RBFOX1: variants seen among roughly 807,000 people sequenced by gnomAD.
The protein encoded by RBFOX1 is RNA binding fox-1 homolog 1.
A neutral mutation model predicts 57.7 loss-of-function variants in RBFOX1; 8 were observed. That is an observed-to-expected ratio of 0.14 (90% CI 0.08 to 0.25). RBFOX1 has a LOEUF of 0.25. Ranked by LOEUF, RBFOX1 falls within the 10% of genes least tolerant of loss-of-function variation. The probability of loss-of-function intolerance (pLI) is 1.00; values close to 1 mark genes in which losing one functional copy is unlikely to be tolerated. For missense variants in RBFOX1, 611 were observed against 548.5 expected (o/e 1.11, Z -1.14); for synonymous variants, 326 against 222.4 (o/e 1.47, Z -4.15).
At chr16:7,696,228 T>C (rs958140257) in intron 14 of RBFOX1, among the ~76,000 whole-genome samples, 1 of 152,198 alleles carries the variant, frequency 6.6e-6, no homozygotes, top group Non-Finnish European at 1.5e-5. Flanking sequence ...GTTTTGGTTT[T>C]TCCCAAAGAA....
At chr16:7,058,839 T>A (rs953534087) in intron 4 of RBFOX1, among the ~76,000 whole-genome samples, 3 of 152,194 alleles carry the variant, frequency 2.0e-5, no homozygotes, top group Non-Finnish European at 4.4e-5. Context: ...CTTATTTAAG[T>A]TAAAAATGGG....
chr16:7,190,522 G>A lies in RBFOX1; in HGVS notation c.27+138424G>A, dbSNP rs182328305. The stretch of plus-strand genomic sequence containing the variant: ...TTTTTTCTTTCCTGAGTGATACTCT[G>A]ATCTCTATCTGATGAGCTGGAGAGT... On this transcript the variant is annotated intron_variant, in intron 4 of 15. Transcript: ENST00000550418. Among the ~76,000 whole-genome samples the A allele has an allele frequency of 4.0e-3, 610 of 151,066 alleles. 10 individuals carry two copies. The highest frequency in any genetic ancestry group is 3.2e-3 in the Non-Finnish European group (219 of 67,914).
chr16:5,369,893 T>G (rs1047120802), intron 1 of RBFOX1, among the ~76,000 whole-genome samples: 30 of 152,092 alleles, frequency 2.0e-4, no homozygotes, highest in African/African-American at 5.6e-4. Context: ...ACAATTACTT[T>G]TGCACCAACC....
At chr16:6,862,571 A>G (rs997195580) in intron 3 of RBFOX1, among the ~76,000 whole-genome samples, 3 of 152,242 alleles carry the variant, frequency 2.0e-5, no homozygotes, top group Admixed American at 2.0e-4. Context: ...AGAGATTTCC[A>G]GGAAGAAAAG....
At chr16:6,775,275 A>C (rs1256282746) in intron 3 of RBFOX1, among the ~76,000 whole-genome samples, 1 of 143,814 alleles carries the variant, frequency 7.0e-6, no homozygotes, top group Non-Finnish European at 1.5e-5. Flanking sequence ...GCTTGCAGTG[A>C]GCTGAGATCG....
intron 4 of RBFOX1, among the ~76,000 whole-genome samples, chr16:7,482,991 G>A (rs2064395306): frequency 6.6e-6 from 1 of 152,142 alleles, no homozygotes; most frequent in Admixed American, 6.5e-5. Flanking sequence ...GCCTATGATT[G>A]TCAGCTGATT....
intron 3 of RBFOX1, among the ~76,000 whole-genome samples, chr16:6,894,674 C>T (rs777812431): frequency 2.6e-4 from 40 of 152,166 alleles, no homozygotes; most frequent in Non-Finnish European, 2.4e-4. Flanking sequence ...AAATAAGAAA[C>T]TGATAGCCTC....
At chr16:7,170,394 C>T (rs1414000592) in intron 4 of RBFOX1, among the ~76,000 whole-genome samples, 8 of 152,020 alleles carry the variant, frequency 5.3e-5, no homozygotes, top group Non-Finnish European at 1.0e-4. Context: ...ACCTCAGCCT[C>T]CTGAGTAGCT....
chr16:5,926,061 G>A (rs2058934862), intron 4 of RBFOX1, among the ~76,000 whole-genome samples: 1 of 152,200 alleles, frequency 6.6e-6, no homozygotes, highest in African/African-American at 2.4e-5. Context: ...CTGACTGTTA[G>A]CTGGGAGTTG....
At chr16:6,894,019 A>G (rs993062720) in intron 3 of RBFOX1, among the ~76,000 whole-genome samples, 24 of 152,150 alleles carry the variant, frequency 1.6e-4, no homozygotes, top group Non-Finnish European at 3.4e-4. Context: ...TAATATCCCA[A>G]AGACAGCTCT....
intron 3 of RBFOX1, among the ~76,000 whole-genome samples, chr16:6,661,117 G>A (rs1310250809): frequency 6.6e-6 from 1 of 152,188 alleles, no homozygotes; most frequent in East Asian, 1.9e-4. Flanking sequence ...TATAGATTCA[G>A]TATTGCTGTT....
chr16:7,658,569 G>A (rs536768910), intron 12 of RBFOX1, among the ~76,000 whole-genome samples: 1 of 152,132 alleles, frequency 6.6e-6, no homozygotes, highest in African/African-American at 2.4e-5. Context: ...AAGACAGCAA[G>A]TGGAGGCTTT....
intron 4 of RBFOX1, among the ~76,000 whole-genome samples, chr16:7,243,553 A>G (rs903815283): frequency 3.9e-5 from 6 of 152,202 alleles, no homozygotes; most frequent in African/African-American, 7.2e-5. Flanking sequence ...TAGTAGTAGT[A>G]TTAATACATT....
chr16:6,800,417 T>A (rs996231495), intron 3 of RBFOX1, among the ~76,000 whole-genome samples: 2 of 152,132 alleles, frequency 1.3e-5, no homozygotes, highest in African/African-American at 4.8e-5. Context: ...TCTTTAACAG[T>A]GATAGGCATT....
chr16:7,601,253 C>T (rs181599281), intron 9 of RBFOX1, among the ~76,000 whole-genome samples: 43 of 152,268 alleles, frequency 2.8e-4, no homozygotes, highest in Non-Finnish European at 2.8e-4. Context: ...CTCCATGTGC[C>T]AGCTCTCTAG....
chr16:7,343,079 A>G (rs2096928495), intron 4 of RBFOX1, among the ~76,000 whole-genome samples: 1 of 152,128 alleles, frequency 6.6e-6, no homozygotes, highest in Non-Finnish European at 1.5e-5. Context: ...CCATGTGGCC[A>G]TAGCCTTCTG....
intron 1 of RBFOX1, among the ~76,000 whole-genome samples, chr16:5,386,257 G>T (rs967575957): frequency 6.6e-6 from 1 of 152,150 alleles, no homozygotes; most frequent in Non-Finnish European, 1.5e-5. Context: ...TGAGAAGGCT[G>T]GGGGTGGGTA....
intron 1 of RBFOX1, among the ~76,000 whole-genome samples, chr16:6,302,549 G>A (rs1353479515): frequency 4.6e-5 from 7 of 152,134 alleles, no homozygotes; most frequent in Admixed American, 2.6e-4. Context: ...TGAGAGGCAC[G>A]TAGTATATCT....
At chr16:6,094,418 A>G (rs1297814384) in intron 1 of RBFOX1, among the ~76,000 whole-genome samples, 1 of 152,180 alleles carries the variant, frequency 6.6e-6, no homozygotes, top group East Asian at 1.9e-4. Context: ...AAAACCTAAA[A>G]CGCTTGGACT....
Sources: gnomAD v4.1 joint callset for allele counts (sites outside exome capture counted in the v4.1 genomes callset) on GRCh38, gnomAD v4.1.1 for gene constraint, MANE v1.5 for transcripts, NCBI Gene and HGNC (gene_info 2026-07-23, HGNC 2026-07-21) for gene names.